GLIS3: variants seen among roughly 807,000 people sequenced by gnomAD.
The protein encoded by GLIS3 is zinc finger protein GLIS3.
Under a neutral mutation model 78.6 loss-of-function variants are expected in GLIS3, and 53 were observed. The ratio of observed to expected loss-of-function variants is 0.67; its 90% CI spans 0.54 to 0.85. The LOEUF (loss-of-function observed/expected upper bound fraction) is 0.85. Ranked by LOEUF, GLIS3 falls within the 40% of genes least tolerant of loss-of-function variation. The pLI, the probability that GLIS3 is intolerant of heterozygous loss-of-function variation, is 0.00. For synonymous variants in GLIS3, 684 were observed against 509.9 expected, an observed-to-expected ratio of 1.34 and a Z score of -4.60; for missense variants, 1,703 against 1,231.1, an observed-to-expected ratio of 1.38 and a Z score of -5.74.
At chr9:4,232,382 TA>T (rs56725850) in intron 2 of GLIS3, among the ~76,000 whole-genome samples, 77,530 of 101,592 alleles carry the variant, frequency 0.76, 29,275 homozygotes, top group South Asian at 0.91. Flanking sequence ...CCTTGTCTCT[TA>T]AAAAAAAAAA....
intron 4 of GLIS3, among the ~76,000 whole-genome samples, chr9:4,004,785 A>G (rs189673225): frequency 2.9e-4 from 44 of 152,296 alleles, no homozygotes; most frequent in African/African-American, 1.0e-3. Context: ...AACCTATTTA[A>G]TCCTTTCAAC....
intron 7 of GLIS3, among the ~76,000 whole-genome samples, chr9:3,890,941 T>C (rs1291390044): frequency 1.3e-5 from 2 of 152,130 alleles, no homozygotes; most frequent in African/African-American, 2.4e-5. Flanking sequence ...AAAAATGCCA[T>C]GTGAACTACT....
chr9:4,067,055 A>T (rs910573614), intron 4 of GLIS3, among the ~76,000 whole-genome samples: 2 of 152,188 alleles, frequency 1.3e-5, no homozygotes, highest in Non-Finnish European at 2.9e-5. Context: ...ACAGGAAGTT[A>T]TCCTTCTTCC....
intron 5 of GLIS3, among the ~76,000 whole-genome samples, chr9:3,935,307 T>C (rs183788642): frequency 3.5e-4 from 53 of 152,098 alleles, no homozygotes; most frequent in Non-Finnish European, 7.1e-4. Context: ...AAGGAAAAAA[T>C]GATGCTTTAA....
chr9:4,047,351 G>C (rs1207428851), intron 4 of GLIS3, among the ~76,000 whole-genome samples: 1 of 152,136 alleles, frequency 6.6e-6, no homozygotes. Context: ...GTAGTATCTT[G>C]ATAGTAGTGT....
At chr9:3,920,363 TA>T (rs1407416092) in intron 6 of GLIS3, among the ~76,000 whole-genome samples, 3 of 152,182 alleles carry the variant, frequency 2.0e-5, no homozygotes, top group Non-Finnish European at 4.4e-5. Flanking sequence ...GTTGAAGAGA[TA>T]AAAGTGGTAC....
At chr9:4,197,283 C>G (rs774831491) in intron 2 of GLIS3, among the ~76,000 whole-genome samples, 1 of 152,192 alleles carries the variant, frequency 6.6e-6, no homozygotes, top group Non-Finnish European at 1.5e-5. Context: ...CACTCCATGA[C>G]TAAGCACATC....
intron 4 of GLIS3, among the ~76,000 whole-genome samples, chr9:3,955,596 A>C (rs1817048813): frequency 6.6e-6 from 1 of 152,200 alleles, no homozygotes; most frequent in African/African-American, 2.4e-5. Context: ...CGTTGGATTA[A>C]AGAACAGGAA....
chr9:4,177,558 C>A (rs966703617), intron 2 of GLIS3, among the ~76,000 whole-genome samples: 4 of 152,156 alleles, frequency 2.6e-5, no homozygotes, highest in African/African-American at 7.2e-5. Context: ...TTCTGAGATA[C>A]CACAGAGGAA....
At chr9:3,953,881 G>A (rs745504546) in intron 4 of GLIS3, among the ~76,000 whole-genome samples, 6 of 149,090 alleles carry the variant, frequency 4.0e-5, no homozygotes, top group Admixed American at 2.0e-4. Flanking sequence ...GCACACACAT[G>A]CATTTGCTGA....
chr9:4,349,283 T>A (rs1238108206), upstream of GLIS3, among the ~76,000 whole-genome samples: 2 of 152,250 alleles, frequency 1.3e-5, no homozygotes, highest in Non-Finnish European at 2.9e-5. Context: ...GTTATTTAAA[T>A]ATTTTATGCA....
At chr9:4,287,393 G>C (rs1020292983) in intron 1 of GLIS3, among the ~76,000 whole-genome samples, 20 of 152,196 alleles carry the variant, frequency 1.3e-4, no homozygotes, top group Admixed American at 1.3e-4. Context: ...CATGATCGCA[G>C]GACGTCATCA....
At position 3,906,934 on chromosome 9, in the gene GLIS3, C is replaced by T. The variant is rs117556988; in HGVS notation, c.1984-8099G>A. 4.1e-4 allele frequency among the ~76,000 whole-genome samples: 63 copies of T among 152,274 alleles called. No homozygotes were observed. In the East Asian group the frequency reaches 0.011, roughly 26 times the overall value. ...TACTATTCATTCTTCCTGCCCGGAA[C>T]GGACTCCCTCCTCCTAATGTAACTC... On this transcript the variant is annotated intron_variant, in intron 6 of 10. Coordinates refer to ENST00000381971, the MANE Select transcript of GLIS3 (RefSeq NM_001042413.2).
chr9:4,056,102 T>C (rs1323389179), intron 4 of GLIS3, among the ~76,000 whole-genome samples: 1 of 152,198 alleles, frequency 6.6e-6, no homozygotes, highest in East Asian at 1.9e-4. Context: ...CCAGCCCCCA[T>C]TTGGCCGTGA....
chr9:4,387,372 G>A, the GLIS3 span, among the ~76,000 whole-genome samples: 1 of 152,092 alleles, frequency 6.6e-6, no homozygotes, highest in African/African-American at 2.4e-5. Context: ...CGGCCTTAGT[G>A]CCACTCTCAG....
At chr9:4,400,196 A>G in the GLIS3 span, among the ~76,000 whole-genome samples, 19 of 152,312 alleles carry the variant, frequency 1.2e-4, no homozygotes, top group East Asian at 3.7e-3. Context: ...GCTAAAATCA[A>G]GTGGAGAAAG....
chr9:3,933,222 C>T (rs566259894), intron 5 of GLIS3, among the ~76,000 whole-genome samples: 1 of 152,080 alleles, frequency 6.6e-6, no homozygotes, highest in South Asian at 2.1e-4. Flanking sequence ...GCCTCCCAGG[C>T]TGGAGTGCAG....
intron 2 of GLIS3, among the ~76,000 whole-genome samples, chr9:4,311,245 C>T (rs533007391): frequency 1.3e-5 from 2 of 152,112 alleles, no homozygotes; most frequent in African/African-American, 4.8e-5. Flanking sequence ...CCCGTCTCTA[C>T]TAAAAATACA....
At chr9:4,001,366 A>G (rs1171662169) in intron 4 of GLIS3, among the ~76,000 whole-genome samples, 1 of 152,234 alleles carries the variant, frequency 6.6e-6, no homozygotes, top group South Asian at 2.1e-4. Context: ...CTAAGGAAAA[A>G]GCACCAAATG....
Sources: gnomAD v4.1 joint callset for allele counts (sites outside exome capture counted in the v4.1 genomes callset) on GRCh38, gnomAD v4.1.1 for gene constraint, MANE v1.5 for transcripts, NCBI Gene and HGNC (gene_info 2026-07-23, HGNC 2026-07-21) for gene names.